Variants in SETD1A observed in about 807,000 individuals in gnomAD.
SETD1A encodes the protein histone-lysine N-methyltransferase SETD1A.
Under a neutral mutation model 149.9 loss-of-function variants are expected in SETD1A, and 29 were observed. The ratio of observed to expected loss-of-function variants is 0.19; its 90% CI spans 0.14 to 0.26. SETD1A has a LOEUF of 0.26. SETD1A is among the 10% of genes least tolerant of loss of function. The probability of loss-of-function intolerance (pLI) is 1.00; values close to 1 mark genes in which losing one functional copy is unlikely to be tolerated. For synonymous variants in SETD1A, 1,141 were observed against 968.5 expected (o/e 1.18, Z -3.31); for missense variants, 2,109 against 2,353.1 (o/e 0.90, Z 2.15).
Position 30,973,336 on chromosome 16 carries a change from T to C in SETD1A, c.3358+1617T>C, listed in dbSNP as rs1175606821. 2.0e-5 allele frequency among the ~76,000 whole-genome samples: 3 copies of C among 152,110 alleles called. No individual in the cohort carries two copies. In the East Asian group the frequency reaches 5.8e-4, roughly 29 times the overall value. ...GGCTATTGTAGAATGTAAGGCGAAT[T>C]ATGGTGATAGCTTGGACTTAGGGTG... On this transcript the variant is annotated intron_variant, in intron 13 of 18. Coordinates refer to ENST00000262519, the MANE Select transcript of SETD1A (RefSeq NM_014712.3).
chr16:30,971,276 T>C (rs2056220003), intron 12 of SETD1A, 102 bp from the exon 13 acceptor site: 3 of 1,264,230 alleles, frequency 2.4e-6, no homozygotes, highest in Non-Finnish European at 3.3e-6. Context: ...TCCCCGTCCC[T>C]AGCCCAGAGC....
chr16:30,975,558 G>A (rs1189212741), intron 13 of SETD1A, among the ~76,000 whole-genome samples: 1 of 149,812 alleles, frequency 6.7e-6, no homozygotes, highest in African/African-American at 2.5e-5. Flanking sequence ...AGCTTCCCAA[G>A]CAGCTGGGAT....
At position 30,979,979 on chromosome 16, in the gene SETD1A, C is replaced by A; in HGVS notation, c.4193C>A (p.Ala1398Asp). ...ALRRRSLRSH[A>D]RRRRPPPPPP... ...CGGAGGCGCAGCCTCCGCTCCCACG[C>A]CCGGCGCCGCCGCCCTCCGCCCCCA... The change falls in exon 14 of 19, where the codon GCC (alanine) becomes GAC (aspartate). Residue 1398 changes from alanine to aspartate, a missense_variant. Physicochemically the swap from Ala to Asp is moderately radical, Grantham distance 126. Around this residue, in one of 8 missense-constraint regions of SETD1A, gnomAD observed 832 missense variants for 815.6 expected, o/e 1.02. Transcript: ENST00000262519. 4 of 1,512,742 alleles carry A rather than the reference C, an allele frequency of 2.6e-6. No homozygotes were observed. Among genetic ancestry groups the A allele is most frequent in the Non-Finnish European group, 3.5e-6 (4 of 1,134,728 alleles). 93.7% of individuals were successfully genotyped at this position (1,512,742 alleles called of 1,614,324 possible).
intron 10 of SETD1A, 141 bp downstream of exon 10, chr16:30,967,729 G>C: frequency 2.9e-6 from 2 of 683,852 alleles, no homozygotes; most frequent in Admixed American, 5.3e-5. Context: ...AGTTCTGAGA[G>C]GTATGGGATG....
chr16:30,959,165 C>G lies in SETD1A; in HGVS notation c.225C>G (p.Ser75=), dbSNP rs375163135. 6.2e-7 allele frequency: 1 copy of G among 1,612,124 alleles called. No homozygotes were observed. Among genetic ancestry groups the G allele is most frequent in the African/African-American group, 1.3e-5 (1 of 74,840 alleles). ...CHVRSKNRDF[S]LPVPKFKLDE... ...TCAGGTCCAAAAACAGAGACTTTTCCCTCCCAGTCCCTAAGTTTAAGGTAA... is the reference window on the plus strand; with the variant it reads ...TCAGGTCCAAAAACAGAGACTTTTCGCTCCCAGTCCCTAAGTTTAAGGTAA... Residue 75 remains serine (S), a synonymous_variant, in exon 3 of 19, where the codon TCC becomes TCG. Transcript: ENST00000262519.
At chr16:30,960,070 C>G (rs1191493799) in intron 3 of SETD1A, among the ~76,000 whole-genome samples, 1 of 152,188 alleles carries the variant, frequency 6.6e-6, no homozygotes, top group Admixed American at 6.6e-5. Flanking sequence ...TCACCGAATC[C>G]TCCTGGCTCT....
In SETD1A at chr16:30,979,799, C is replaced by T; in HGVS notation, c.4013C>T (p.Ala1338Val). ...FSSPADEVLE[A>V]PEVVVAEAEE... ...TCCCCAGCTGATGAGGTCCTGGAGGCCCCCGAGGTGGTGGTGGCTGAGGCG... is the reference window on the plus strand; with the variant it reads ...TCCCCAGCTGATGAGGTCCTGGAGGTCCCCGAGGTGGTGGTGGCTGAGGCG... Residue 1338 changes from alanine (A) to valine (V), a missense_variant, in exon 14 of 19, where the codon GCC becomes GTC. Transcript: ENST00000262519. 3 of 1,576,658 alleles carry T rather than the reference C, an allele frequency of 1.9e-6. No homozygotes were observed. The highest frequency in any genetic ancestry group is 2.6e-6 in the Non-Finnish European group (3 of 1,168,614).
Position 30,961,261 on chromosome 16 carries a change from C to T in SETD1A, c.247-6C>T. ...GACCCCATACCAACTCCTGTTCTTTCCCCAGCTGGACGAGTTCTATATTGG... is the reference window on the plus strand; with the variant it reads ...GACCCCATACCAACTCCTGTTCTTTTCCCAGCTGGACGAGTTCTATATTGG... On this transcript the variant is annotated splice_polypyrimidine_tract_variant and splice_region_variant and intron_variant, in intron 3 of 18. Transcript: ENST00000262519. This position sits in a 1 kb window ranked among gnomAD's most constrained non-coding sequence, Gnocchi z 4.0. 1 of 1,614,004 alleles carries T rather than the reference C, an allele frequency of 6.2e-7. No homozygotes were observed. Among genetic ancestry groups the T allele is most frequent in the Non-Finnish European group, 8.5e-7 (1 of 1,179,924 alleles).
chr16:30,967,340 G>A (rs986399293), intron 9 of SETD1A, among the ~76,000 whole-genome samples, 161 bp from the exon 10 acceptor site: 12 of 152,096 alleles, frequency 7.9e-5, no homozygotes, highest in Admixed American at 2.0e-4. Context: ...TTTTAGTAGA[G>A]CTGGGGTTTC....
intron 2 of SETD1A, 23 bp downstream of exon 2, chr16:30,958,904 G>A (rs754186278): frequency 1.2e-6 from 2 of 1,613,002 alleles, no homozygotes; most frequent in South Asian, 1.1e-5. Flanking sequence ...GTCTTTGGTT[G>A]CCATCCGGGG....
At chr16:30,960,137 A>C (rs772662010) in intron 3 of SETD1A, among the ~76,000 whole-genome samples, 1 of 151,924 alleles carries the variant, frequency 6.6e-6, no homozygotes, top group Non-Finnish European at 1.5e-5. Context: ...AGACCTTGGT[A>C]TTCATTTCAC....
chr16:30,983,898 G>C lies in SETD1A; in HGVS notation c.4999G>C (p.Val1667Leu). 1 of 1,612,788 alleles carries C rather than the reference G, an allele frequency of 6.2e-7. No individual in the cohort carries two copies. ...VITIESQKKI[V>L]IYSKQPIGVD... is the part of the protein sequence containing the mutation. ...CACCATCGAGTCCCAGAAGAAGATC[G>C]TGATCTACTCCAAGCAGCCCATTGG... Residue 1667 changes from valine (V) to leucine (L), a missense_variant, in exon 19 of 19, where the codon GTG (valine) becomes CTG (leucine). This residue lies in a region of SETD1A where 254 missense variants were observed against 409.3 expected (regional missense o/e 0.62). Transcript: ENST00000262519. This position sits in a 1 kb window ranked among gnomAD's most constrained non-coding sequence, Gnocchi z 6.8.
intron 1 of SETD1A, 195 bp from the exon 2 acceptor site, chr16:30,958,522 G>A: frequency 1.7e-6 from 1 of 589,688 alleles, no homozygotes; most frequent in East Asian, 2.8e-5. Flanking sequence ...GTAGAGTTGG[G>A]AGGTGGAAAG....
rs1287023534 is a variant in SETD1A at position 30,979,422 on chromosome 16, G to T, written c.3636G>T (p.Leu1212=). 6.2e-7 allele frequency: 1 copy of T among 1,610,246 alleles called. No homozygotes were observed. The highest frequency in any genetic ancestry group is 1.1e-5 in the South Asian group (1 of 90,574). ...AGCGGACCATCCGCAACCTGCCCCT[G>T]GACCACGCATCTCTGGTCAAGAGTT... is the stretch of plus-strand genomic sequence containing the variant. The part of the protein sequence containing the change: ...GVERTIRNLP[L]DHASLVKSWP... Residue 1212 remains leucine (L), a synonymous_variant, in exon 14 of 19, where the codon CTG becomes CTT. Coordinates refer to ENST00000262519, the MANE Select transcript of SETD1A (RefSeq NM_014712.3).
In SETD1A at chr16:30,983,715, C is replaced by T. The variant is rs546755887; in HGVS notation, c.4893C>T (p.Thr1631=). ...SSYLFRVDHD[T]IIDATKCGNL... is the part of the protein sequence containing the mutation. ...ACCTGTTCCGGGTGGACCACGACACCATCATCGATGCCACCAAGTGTGGCA... is the reference window on the plus strand; with the variant it reads ...ACCTGTTCCGGGTGGACCACGACACTATCATCGATGCCACCAAGTGTGGCA... Residue 1631 remains threonine, a synonymous_variant, in exon 18 of 19, where the codon ACC becomes ACT. Transcript: ENST00000262519. This position sits in a 1 kb window ranked among gnomAD's most constrained non-coding sequence, Gnocchi z 6.8. 1 of 1,614,120 alleles carries T rather than the reference C, an allele frequency of 6.2e-7. No individual in the cohort carries two copies. Among genetic ancestry groups the T allele is most frequent in the Non-Finnish European group, 8.5e-7 (1 of 1,179,998 alleles).
In SETD1A at chr16:30,979,991, G is replaced by GGCCCACC; in HGVS notation, c.4205_4206insGCCCACC (p.Pro1404ThrfsTer19). 1 of 1,279,666 alleles carries GGCCCACC rather than the reference G, an allele frequency of 7.8e-7. No homozygotes were observed. The highest frequency in any genetic ancestry group is 1.0e-6 in the Non-Finnish European group (1 of 969,376). The allele number at this position is 1,279,666 out of a possible 1,614,324, so 79.3% of individuals were successfully genotyped here. ...CTCCGCTCCCACGCCCGGCGCCGCC[G>GGCCCACC]CCCTCCGCCCCCACCCCCGCCGCCA... On this transcript the variant is annotated frameshift_variant, in exon 14 of 19. Coordinates refer to ENST00000262519, the MANE Select transcript of SETD1A (RefSeq NM_014712.3). LOFTEE classifies it high-confidence loss of function.
chr16:30,961,389 A>G lies in SETD1A; in HGVS notation c.369A>G (p.Val123=), dbSNP rs2056049787. Residue 123 remains valine, a synonymous_variant, in exon 4 of 19, where the codon GTA becomes GTG. Coordinates refer to ENST00000262519, the MANE Select transcript of SETD1A (RefSeq NM_014712.3). The surrounding 1 kb of genome is among the most constrained non-coding windows in gnomAD (Gnocchi z 4.0). ...MCRKYGEVEE[V]EILLHPRTRK... ...GTAAGTACGGTGAGGTGGAAGAGGT[A>G]GAGATCCTCCTTCACCCCCGTACGC... The G allele has an allele frequency of 6.2e-7, 1 of 1,614,110 alleles. No homozygotes were observed. Among genetic ancestry groups the G allele is most frequent in the Non-Finnish European group, 8.5e-7 (1 of 1,179,920 alleles).
At chr16:30,977,277 T>G (rs907073243) in intron 13 of SETD1A, among the ~76,000 whole-genome samples, 1 of 152,022 alleles carries the variant, frequency 6.6e-6, no homozygotes, top group African/African-American at 2.4e-5. Flanking sequence ...AGAACCAGTT[T>G]CAGTCACCAC....
intron 13 of SETD1A, among the ~76,000 whole-genome samples, 158 bp downstream of exon 13, chr16:30,971,877 A>T (rs1475727403): frequency 6.6e-6 from 1 of 152,198 alleles, no homozygotes; most frequent in Non-Finnish European, 1.5e-5. Flanking sequence ...AGAGACATTG[A>T]TTGTCTGACA....
Sources: gnomAD v4.1 joint callset for allele counts (sites outside exome capture counted in the v4.1 genomes callset) on GRCh38, gnomAD v4.1.1 for gene constraint, gnomAD v4.1.1 regional missense constraint, Gnocchi (gnomAD v3.1) non-coding constraint, MANE v1.5 for transcripts, NCBI Gene and HGNC (gene_info 2026-07-23, HGNC 2026-07-21) for gene names.